The following URB1 variants were observed in gnomAD, a reference collection of about 807,000 sequenced individuals.
The protein encoded by URB1 is nucleolar pre-ribosomal-associated protein 1.
In URB1, 197 loss-of-function variants were observed where a neutral mutation model predicts 242.3. That is an observed-to-expected ratio of 0.81 (90% CI 0.72 to 0.91). The LOEUF is 0.91. URB1 is among the 40% of genes least tolerant of loss of function. The pLI, the probability that URB1 is intolerant of heterozygous loss-of-function variation, is 0.00. For missense variants in URB1, 2,721 were observed against 2,860.5 expected (o/e 0.95, Z 1.11); for synonymous variants, 1,153 against 1,201.8 (o/e 0.96, Z 0.84).
intron 28 of URB1, among the ~76,000 whole-genome samples, chr21:32,335,910 C>G (rs2032953639): frequency 6.6e-6 from 1 of 152,252 alleles, no homozygotes; most frequent in South Asian, 2.1e-4. Flanking sequence ...AACTAGACTC[C>G]CTTCACAGCC....
chr21:32,322,820 T>C (rs2032783474), intron 32 of URB1, among the ~76,000 whole-genome samples: 2 of 152,184 alleles, frequency 1.3e-5, no homozygotes, highest in South Asian at 4.1e-4. Flanking sequence ...GTTGAGTCCT[T>C]CAGGGACCTC....
rs760821228 is a variant in URB1, at chr21:32,314,564, G to T, written c.*354C>A. 3 of 1,613,932 alleles carry T rather than the reference G, an allele frequency of 1.9e-6. No homozygotes were observed. Among genetic ancestry groups the T allele is most frequent in the Non-Finnish European group, 2.5e-6 (3 of 1,179,920 alleles). ...TTGACATTTCAGCTTTAACACAGAT[G>T]AATCTCTTCTGCATTCAGAAGTGCT... On this transcript the variant is annotated 3_prime_UTR_variant, in exon 39 of 39. Coordinates refer to ENST00000382751, the MANE Select transcript of URB1 (RefSeq NM_014825.3).
In URB1 at chr21:32,355,444, CTT is replaced by C. The variant is rs1568822547; in HGVS notation, c.2106+3_2106+4del. 6.4e-6 allele frequency: 10 copies of C among 1,550,414 alleles called. No individual in the cohort carries two copies. The highest frequency in any genetic ancestry group is 8.7e-6 in the Non-Finnish European group (10 of 1,145,686). On this transcript the variant is annotated splice_donor_region_variant and intron_variant, in intron 16 of 38. Transcript: ENST00000382751. ...TGTTCCTTTATGTGGGAAATATGTG[CTT>C]ACGCGTTCCAGAAACTGAATCACAG... is the stretch of plus-strand genomic sequence containing the variant.
rs1263206196 is a variant in URB1, at chr21:32,349,294, G to C, written c.3012+10C>G. ...CTGAGAATAGGCTACCAGGCAACCTGTGGCGGTACCTGATCATTGGCCAAC... is the reference window on the plus strand; with the variant it reads ...CTGAGAATAGGCTACCAGGCAACCTCTGGCGGTACCTGATCATTGGCCAAC... On this transcript the variant is annotated intron_variant, in intron 21 of 38. Transcript: ENST00000382751. The C allele has an allele frequency of 2.0e-6, 3 of 1,525,904 alleles. No homozygotes were observed. In the East Asian group the frequency reaches 7.4e-5, roughly 38 times the overall value. The allele number at this position is 1,525,904 out of a possible 1,614,324, so 94.5% of individuals were successfully genotyped here.
chr21:32,368,467 A>C lies in URB1; in HGVS notation c.1133T>G (p.Val378Gly), dbSNP rs1407715956. 6.4e-7 allele frequency: 1 copy of C among 1,551,832 alleles called. No individual in the cohort carries two copies. Among genetic ancestry groups the C allele is most frequent in the East Asian group, 2.4e-5 (1 of 40,920 alleles). Reference protein sequence around the residue: ...PDLLNKYFKEVTFSFIPRAKS... With the variant: ...PDLLNKYFKEGTFSFIPRAKS... ...CGCTCGTGGGATAAAGGAAAACGTT[A>C]CTTCCTTGAAGTATTTGTTCAGTAA... The change falls in exon 9 of 39, where the codon GTA becomes GGA. Residue 378 changes from valine to glycine, a missense_variant. By Grantham distance (109) the Val-to-Gly change is moderately radical. Coordinates refer to ENST00000382751, the MANE Select transcript of URB1 (RefSeq NM_014825.3).
chr21:32,366,759 G>T lies in URB1; in HGVS notation c.1198-4C>A. 1 of 1,545,670 alleles carries T rather than the reference G, an allele frequency of 6.5e-7. No individual in the cohort carries two copies. Among genetic ancestry groups the T allele is most frequent in the Middle Eastern group, 1.7e-4 (1 of 5,942 alleles). ...TCTCCGGCTGAGCCTCATAGATCTAGGAAAAGCAAAAAAGAGATTTAGGTG... is the reference window on the plus strand; with the variant it reads ...TCTCCGGCTGAGCCTCATAGATCTATGAAAAGCAAAAAAGAGATTTAGGTG... On this transcript the variant is annotated splice_region_variant and splice_polypyrimidine_tract_variant and intron_variant, in intron 9 of 38. Transcript: ENST00000382751.
chr21:32,370,236 T>G (rs559469052), intron 8 of URB1, among the ~76,000 whole-genome samples: 2 of 152,238 alleles, frequency 1.3e-5, no homozygotes, highest in East Asian at 3.9e-4. Context: ...CACATCCCCC[T>G]TATAAATTGA....
At chr21:32,372,375 C>T (rs2033415542) in intron 8 of URB1, 132 bp downstream of exon 8, 1 of 1,261,548 alleles carries the variant, frequency 7.9e-7, no homozygotes, top group African/African-American at 1.5e-5. Flanking sequence ...TACAACTGTT[C>T]AACCCTGAAA....
chr21:32,384,913 G>A (rs374675831), intron 2 of URB1, among the ~76,000 whole-genome samples: 55 of 152,218 alleles, frequency 3.6e-4, no homozygotes, highest in African/African-American at 1.3e-3. Context: ...CCCAGGATGC[G>A]GAGCTTGCAG....
chr21:32,328,386 C>T (rs902060387), intron 30 of URB1, among the ~76,000 whole-genome samples: 1 of 152,192 alleles, frequency 6.6e-6, no homozygotes, highest in African/African-American at 2.4e-5. Flanking sequence ...GATCAGCTCG[C>T]CTTGGCCTCC....
At chr21:32,377,197 C>A (rs1012650743) in intron 5 of URB1, 3 of 518,978 alleles carry the variant, frequency 5.8e-6, no homozygotes, top group Non-Finnish European at 1.2e-5. Context: ...TATTGTGCAA[C>A]CCACTTCAGT....
In URB1 at chr21:32,392,959, G is replaced by A. The variant is rs1601164699; in HGVS notation, c.-49C>T. On this transcript the variant is annotated 5_prime_UTR_variant, in exon 1 of 39. Transcript: ENST00000382751. ...GGAAACGACACACCTGAGGGGACCCGGCAGGAGCACTGGCACAGACAGCAG... is the reference window on the plus strand; with the variant it reads ...GGAAACGACACACCTGAGGGGACCCAGCAGGAGCACTGGCACAGACAGCAG... 5 of 1,444,410 alleles carry A rather than the reference G, an allele frequency of 3.5e-6. No homozygotes were observed. The South Asian group carries it at 4.1e-5, about 12-fold the overall frequency. The allele number at this position is 1,444,410 out of a possible 1,614,324, so 89.5% of individuals were successfully genotyped here.
Position 32,314,702 on chromosome 21 carries a change from A to T in URB1, c.*216T>A. On this transcript the variant is annotated 3_prime_UTR_variant, in exon 39 of 39. Coordinates refer to ENST00000382751, the MANE Select transcript of URB1 (RefSeq NM_014825.3). ...GCCTAGAAGTCCCCACATTCCTTGCAACTCTGATGCTGGGCACCTACAGGC... is the reference window on the plus strand; with the variant it reads ...GCCTAGAAGTCCCCACATTCCTTGCTACTCTGATGCTGGGCACCTACAGGC... The T allele has an allele frequency of 6.3e-7, 1 of 1,575,146 alleles. No individual in the cohort carries two copies. Among genetic ancestry groups the T allele is most frequent in the Non-Finnish European group, 8.7e-7 (1 of 1,145,000 alleles).
intron 28 of URB1, chr21:32,335,178 A>G (rs1203363462): frequency 6.6e-6 from 1 of 152,608 alleles, no homozygotes; most frequent in Non-Finnish European, 1.5e-5. Flanking sequence ...GCACACATCC[A>G]ATGACCCCGA....
chr21:32,322,639 G>A, intron 32 of URB1, 55 bp from the exon 33 acceptor site: 1 of 1,336,746 alleles, frequency 7.5e-7, no homozygotes, highest in East Asian at 2.5e-5. Context: ...ACGCCCCCTG[G>A]TCTGGCAGCA....
chr21:32,376,953 C>T (rs909904285), intron 5 of URB1, among the ~76,000 whole-genome samples: 1 of 152,144 alleles, frequency 6.6e-6, no homozygotes, highest in African/African-American at 2.4e-5. Context: ...TGAGCCACGA[C>T]GGCCAGCCTC....
At position 32,349,334 on chromosome 21, in the gene URB1, G is replaced by T; in HGVS notation, c.2982C>A (p.Ser994=). 9 of 1,549,302 alleles carry T rather than the reference G, an allele frequency of 5.8e-6. No homozygotes were observed. Among genetic ancestry groups the T allele is most frequent in the Non-Finnish European group, 7.9e-6 (9 of 1,145,926 alleles). The change falls in exon 21 of 39, where the codon TCC becomes TCA. Residue 994 remains serine, a synonymous_variant. Transcript: ENST00000382751. ...AEADLFLDME[S]VASLELANDQ... ...CATTGGCCAACTCCAGCGAGGCCAC[G>T]GACTCCATGTCCAGGAAGAGGTCGG...
chr21:32,363,373 A>G (rs2033310762), intron 10 of URB1, 44 bp from the exon 11 acceptor site: 1 of 1,535,680 alleles, frequency 6.5e-7, no homozygotes, highest in East Asian at 2.5e-5. Context: ...TCTAGGATAC[A>G]CAGATTTGCT....
At chr21:32,382,080 T>C (rs1264192544) in intron 4 of URB1, among the ~76,000 whole-genome samples, 3 of 152,182 alleles carry the variant, frequency 2.0e-5, no homozygotes, top group African/African-American at 7.2e-5. Flanking sequence ...AAACGGCTTG[T>C]GTGTGGCCCT....
Sources: allele counts gnomAD v4.1 joint callset (sites outside exome capture counted in the v4.1 genomes callset), GRCh38; gene constraint gnomAD v4.1.1; transcripts MANE v1.5; gene names NCBI Gene and HGNC (gene_info 2026-07-23, HGNC 2026-07-21).